Variants in ZNF98 observed in about 807,000 individuals in gnomAD.
ZNF98 encodes zinc finger protein 98.
Under a neutral mutation model 12.8 loss-of-function variants are expected in ZNF98, and 8 were observed. The ratio of observed to expected loss-of-function variants is 0.63; its 90% CI spans 0.37 to 1.13. The LOEUF (loss-of-function observed/expected upper bound fraction) is 1.13, where lower values mean the gene tolerates loss of function less well. Among genes scored for constraint, ZNF98 ranks in the 50% most tolerant of loss-of-function variants. ZNF98 has a pLI of 0.01. For synonymous variants in ZNF98, 112 were observed against 223.5 expected, an observed-to-expected ratio of 0.50 and a Z score of 4.45; for missense variants, 379 against 666.1, an observed-to-expected ratio of 0.57 and a Z score of 4.74.
chr19:22,392,771 T>C lies in ZNF98; in HGVS notation c.464A>G (p.Gln155Arg). ...CLTTTQNKIFQYDKYVKVFHK... is the reference protein window; with the variant it reads ...CLTTTQNKIFRYDKYVKVFHK... ...AAAGACTTTCACATATTTGTCATATTGAAATATTTTGTTCTGGGTAGTTGT... is the reference window on the plus strand; with the variant it reads ...AAAGACTTTCACATATTTGTCATATCGAAATATTTTGTTCTGGGTAGTTGT... Residue 155 changes from glutamine (Q) to arginine (R), a missense_variant, in exon 4 of 4, where the codon CAA becomes CGA. Gln to Arg is a conservative substitution (Grantham distance 43, BLOSUM62 1). This residue lies in a region of ZNF98 where 223 missense variants were observed against 261.6 expected (regional missense o/e 0.85). Transcript: ENST00000357774. 1.2e-6 allele frequency: 2 copies of C among 1,612,304 alleles called. No homozygotes were observed. The highest frequency in any genetic ancestry group is 1.7e-6 in the Non-Finnish European group (2 of 1,179,128).
chr19:22,393,904 C>CA (rs1969361229), intron 3 of ZNF98, among the ~76,000 whole-genome samples: 1 of 151,918 alleles, frequency 6.6e-6, no homozygotes, highest in East Asian at 1.9e-4. Flanking sequence ...AGGCAACCTA[C>CA]AGAATGGGAG....
intron 2 of ZNF98, 128 bp downstream of exon 2, chr19:22,403,258 T>TAAAA: frequency 1.3e-5 from 10 of 795,720 alleles, no homozygotes; most frequent in African/African-American, 6.9e-5. Context: ...ATCTTGAAGT[T>TAAAA]AAAAAAAAAA....
chr19:22,415,780 T>A (rs906480274), intron 1 of ZNF98, among the ~76,000 whole-genome samples: 18 of 150,970 alleles, frequency 1.2e-4, no homozygotes, highest in African/African-American at 4.4e-4. Flanking sequence ...AGTGAGAACC[T>A]GTCTTCAAAA....
chr19:22,393,093 A>G, intron 3 of ZNF98, 112 bp from the exon 4 acceptor site: 1 of 1,069,134 alleles, frequency 9.4e-7, no homozygotes, highest in Non-Finnish European at 1.3e-6. Flanking sequence ...TTACAGCAAA[A>G]TATTACACGC....
intron 3 of ZNF98, among the ~76,000 whole-genome samples, chr19:22,401,933 T>C (rs1357565990): frequency 1.1e-4 from 17 of 150,888 alleles, no homozygotes; most frequent in Admixed American, 6.6e-5. Context: ...TCCTAGCACT[T>C]TGGGAGGCCA....
intron 1 of ZNF98, among the ~76,000 whole-genome samples, chr19:22,411,147 GTTC>G (rs1969576159): frequency 6.6e-6 from 1 of 152,088 alleles, no homozygotes; most frequent in Non-Finnish European, 1.5e-5. Context: ...GGTTCAAGCT[GTTC>G]TTCTGTCTCA....
intron 1 of ZNF98, among the ~76,000 whole-genome samples, chr19:22,415,430 A>G (rs1404819340): frequency 1.3e-5 from 2 of 152,114 alleles, no homozygotes; most frequent in African/African-American, 4.8e-5. Flanking sequence ...TCACAATAGC[A>G]AAGACATGGA....
At chr19:22,396,912 G>A (rs1969399865) in intron 3 of ZNF98, among the ~76,000 whole-genome samples, 1 of 152,148 alleles carries the variant, frequency 6.6e-6, no homozygotes, top group African/African-American at 2.4e-5. Flanking sequence ...CTTGAGGTCA[G>A]GAGTTCGAGA....
At position 22,422,283 on chromosome 19, in the gene ZNF98, G is replaced by T. The variant is rs1034808539; in HGVS notation, c.-59C>A. The T allele has an allele frequency of 1.9e-6, 3 of 1,600,398 alleles. No individual in the cohort carries two copies. The highest frequency in any genetic ancestry group is 1.3e-5 in the African/African-American group (1 of 74,550). ...AGGGCCACAGAGGCTGGGCCTCTACGAGCAGAGGACACAGAAGGGCGAAGA... is the reference window on the plus strand; with the variant it reads ...AGGGCCACAGAGGCTGGGCCTCTACTAGCAGAGGACACAGAAGGGCGAAGA... On this transcript the variant is annotated 5_prime_UTR_variant, in exon 1 of 4. Coordinates refer to ENST00000357774, the MANE Select transcript of ZNF98 (RefSeq NM_001098626.2).
At chr19:22,401,823 T>A (rs1407560665) in intron 3 of ZNF98, among the ~76,000 whole-genome samples, 1 of 151,708 alleles carries the variant, frequency 6.6e-6, no homozygotes, top group Non-Finnish European at 1.5e-5. Flanking sequence ...TCTACAGTGA[T>A]CTCTAGATTC....
At chr19:22,411,191 C>T (rs113656212) in intron 1 of ZNF98, among the ~76,000 whole-genome samples, 6 of 151,688 alleles carry the variant, frequency 4.0e-5, no homozygotes, top group Non-Finnish European at 7.4e-5. Context: ...TACAGGCATG[C>T]GCCACCATGC....
intron 1 of ZNF98, among the ~76,000 whole-genome samples, chr19:22,419,235 A>G (rs1969677628): frequency 6.6e-6 from 1 of 152,120 alleles, no homozygotes; most frequent in African/African-American, 2.4e-5. Context: ...ACTTTGGTTT[A>G]TTTTAAATAG....
chr19:22,398,959 C>A (rs1443139158), intron 3 of ZNF98, among the ~76,000 whole-genome samples: 3 of 152,062 alleles, frequency 2.0e-5, no homozygotes, highest in African/African-American at 7.2e-5. Flanking sequence ...GATAAAAACA[C>A]ACACACATAT....
At chr19:22,419,562 C>T (rs1340166202) in intron 1 of ZNF98, among the ~76,000 whole-genome samples, 2 of 152,118 alleles carry the variant, frequency 1.3e-5, no homozygotes, top group South Asian at 2.1e-4. Flanking sequence ...TTCAAAATTA[C>T]GTGTGTGAAA....
chr19:22,421,903 T>C (rs1969708330), intron 1 of ZNF98, among the ~76,000 whole-genome samples: 1 of 152,140 alleles, frequency 6.6e-6, no homozygotes, highest in Admixed American at 6.5e-5. Context: ...CCTCTCGTGG[T>C]CCCTGCACAA....
At chr19:22,395,778 T>C (rs1046126989) in intron 3 of ZNF98, among the ~76,000 whole-genome samples, 2 of 151,826 alleles carry the variant, frequency 1.3e-5, no homozygotes, top group African/African-American at 2.4e-5. Context: ...AAGTAATGTG[T>C]CATTTACAAA....
At chr19:22,399,750 C>T (rs577150555) in intron 3 of ZNF98, among the ~76,000 whole-genome samples, 3 of 152,198 alleles carry the variant, frequency 2.0e-5, no homozygotes, top group Non-Finnish European at 4.4e-5. Flanking sequence ...AGTGACATCA[C>T]TAAGATGGAA....
intron 1 of ZNF98, among the ~76,000 whole-genome samples, chr19:22,403,917 G>C (rs955339503): frequency 1.3e-5 from 2 of 152,254 alleles, no homozygotes; most frequent in Non-Finnish European, 2.9e-5. Context: ...TGTTAATGCA[G>C]ATTATTTTTT....
intron 3 of ZNF98, among the ~76,000 whole-genome samples, chr19:22,397,212 T>TGTGTGTGTGTG (rs1555703682): frequency 1.1e-4 from 16 of 145,220 alleles, no homozygotes; most frequent in African/African-American, 3.4e-4. Flanking sequence ...GTGTGTGTTT[T>TGTGTGTGTGTG]TGTGTGTGTG....
Sources: allele counts gnomAD v4.1 joint callset (sites outside exome capture counted in the v4.1 genomes callset), GRCh38; gene constraint gnomAD v4.1.1; regional missense constraint gnomAD v4.1.1; transcripts MANE v1.5; gene names NCBI Gene and HGNC (gene_info 2026-07-23, HGNC 2026-07-21).